CES1: variants seen among roughly 807,000 people sequenced by gnomAD.
CES1 encodes the protein liver carboxylesterase 1.
In CES1, 50 loss-of-function variants were observed where a neutral mutation model predicts 53.0. That is an observed-to-expected ratio of 0.94 (90% CI 0.75 to 1.19). CES1 has a LOEUF of 1.19. Among genes scored for constraint, CES1 ranks in the 50% most tolerant of loss-of-function variants. The pLI is 0.00. For synonymous variants in CES1, 202 were observed against 210.1 expected, an observed-to-expected ratio of 0.96 and a Z score of 0.33; for missense variants, 534 against 538.0, an observed-to-expected ratio of 0.99 and a Z score of 0.07.
At chr16:55,831,347 G>T (rs28549314) in intron 1 of CES1, among the ~76,000 whole-genome samples, 46,061 of 144,994 alleles carry the variant, frequency 0.32, 5,648 homozygotes, top group South Asian at 0.38. Context: ...GGCTGGTCAT[G>T]CTCAGCTCAG....
chr16:55,822,679 C>T (rs2032247430), intron 4 of CES1, among the ~76,000 whole-genome samples: 1 of 151,922 alleles, frequency 6.6e-6, no homozygotes, highest in Admixed American at 6.6e-5. Context: ...CCTGGGATCA[C>T]TGGGAATTAG....
rs1233397172 is a variant in CES1, at chr16:55,810,935, G to C, written c.1162C>G (p.Pro388Ala). ...GATTCCTAGACTCTTACAACAAGGG[G>C]ATAGGACTTCCACAGGAGTGACATG... ...TAMSLLWKSYPLVCIAKELIP... is the reference protein window; with the variant it reads ...TAMSLLWKSYALVCIAKELIP... Residue 388 changes from proline (P) to alanine (A), a missense_variant, in exon 10 of 14, where the codon CCC becomes GCC. Coordinates refer to ENST00000360526, the MANE Select transcript of CES1 (RefSeq NM_001025195.2). 6.8e-6 allele frequency: 11 copies of C among 1,613,256 alleles called. No homozygotes were observed. Among genetic ancestry groups the C allele is most frequent in the Non-Finnish European group, 9.3e-6 (11 of 1,179,468 alleles).
At chr16:55,810,776 G>A (rs1431270232) in intron 10 of CES1, 112 bp from the exon 11 acceptor site, 65 of 1,461,824 alleles carry the variant, frequency 4.4e-5, no homozygotes, top group East Asian at 4.3e-4. Context: ...GCAACTCCCC[G>A]CTAGGGTGGA....
At chr16:55,815,685 A>T (rs1427523335) in intron 8 of CES1, among the ~76,000 whole-genome samples, 1 of 151,856 alleles carries the variant, frequency 6.6e-6, no homozygotes, top group Non-Finnish European at 1.5e-5. Context: ...CCCCACTGCC[A>T]CAGCCCTGTC....
chr16:55,824,983 T>A (rs1245351739), intron 3 of CES1, among the ~76,000 whole-genome samples: 1 of 152,024 alleles, frequency 6.6e-6, no homozygotes, highest in African/African-American at 2.4e-5. Flanking sequence ...AGGGATTGAG[T>A]GTGCATTCAT....
chr16:55,821,659 A>C lies in CES1; in HGVS notation c.540-138T>G. The C allele has an allele frequency of 2.2e-6, 2 of 904,028 alleles. 1 individual carries two copies. Among genetic ancestry groups the C allele is most frequent in the South Asian group, 2.9e-5 (2 of 68,622 alleles). 56.0% of individuals were successfully genotyped at this position (904,028 alleles called of 1,614,324 possible). A position where few individuals can be genotyped will look rare whatever the true frequency, so the allele number is the denominator to read the frequency against. ...TCAGCATCTCTGAGACCCTGCTTTC[A>C]TTAGTACAGCATTGTGGTGATGTAT... On this transcript the variant is annotated intron_variant, in intron 4 of 13. Transcript: ENST00000360526.
chr16:55,815,884 T>A (rs182691222), intron 8 of CES1, among the ~76,000 whole-genome samples: 54 of 152,390 alleles, frequency 3.5e-4, no homozygotes, highest in African/African-American at 1.3e-3. Flanking sequence ...TGAATCCAAA[T>A]CCAAGTACTT....
intron 3 of CES1, among the ~76,000 whole-genome samples, chr16:55,825,432 C>T (rs576545240): frequency 2.0e-5 from 3 of 152,350 alleles, no homozygotes; most frequent in African/African-American, 7.2e-5. Flanking sequence ...TGCCCCATGT[C>T]CTGCCCTTCA....
chr16:55,820,748 A>C (rs370512106), intron 5 of CES1, among the ~76,000 whole-genome samples: 2 of 151,900 alleles, frequency 1.3e-5, no homozygotes, highest in East Asian at 3.9e-4. Context: ...GGTTGTGTCT[A>C]TGACCCACAA....
chr16:55,811,470 T>C (rs1444845965), intron 9 of CES1, among the ~76,000 whole-genome samples: 1 of 152,146 alleles, frequency 6.6e-6, no homozygotes. Context: ...GTCTTTGGTA[T>C]AACCTCTGAA....
chr16:55,827,554 A>G (rs1456233749), intron 2 of CES1, among the ~76,000 whole-genome samples: 1 of 152,116 alleles, frequency 6.6e-6, no homozygotes, highest in African/African-American at 2.4e-5. Flanking sequence ...TTTGACTCAG[A>G]AATGTCATTT....
At chr16:55,821,228 G>A (rs1184244684) in intron 5 of CES1, 140 bp downstream of exon 5, 5 of 1,136,822 alleles carry the variant, frequency 4.4e-6, no homozygotes, top group Non-Finnish European at 6.5e-6. Context: ...TCTACCCCCT[G>A]ATGCTGGGCT....
At chr16:55,832,124 G>C (rs1163698804) in intron 1 of CES1, among the ~76,000 whole-genome samples, 1 of 152,078 alleles carries the variant, frequency 6.6e-6, no homozygotes, top group Non-Finnish European at 1.5e-5. Context: ...ATTAGGAACA[G>C]CCCCTGTGCC....
Position 55,826,222 on chromosome 16 carries a change from T to C in CES1, c.334A>G (p.Lys112Glu). 1 of 1,613,996 alleles carries C rather than the reference T, an allele frequency of 6.2e-7. No homozygotes were observed. The highest frequency in any genetic ancestry group is 8.5e-7 in the Non-Finnish European group (1 of 1,179,856). ...FTNRKENIPLKLSEDCLYLNI... is the reference protein window; with the variant it reads ...FTNRKENIPLELSEDCLYLNI... ...AGGTAAAGACAGTCTTCAGAAAGCT[T>C]GAGAGGAATGTTCTCCTTTCGGTTT... Residue 112 changes from lysine to glutamate, a missense_variant, in exon 3 of 14, where the codon AAG (lysine) becomes GAG (glutamate). This residue lies in a region of CES1 where 164 missense variants were observed against 162.4 expected (regional missense o/e 1.01). Coordinates refer to ENST00000360526, the MANE Select transcript of CES1 (RefSeq NM_001025195.2).
intron 11 of CES1, among the ~76,000 whole-genome samples, chr16:55,808,859 A>G (rs184865498): frequency 4.4e-4 from 67 of 152,310 alleles, no homozygotes; most frequent in African/African-American, 1.6e-3. Context: ...AAAATATAAA[A>G]TTGATTTTTA....
At chr16:55,813,190 G>A (rs1330789283) in intron 8 of CES1, 147 bp from the exon 9 acceptor site, 12 of 1,114,488 alleles carry the variant, frequency 1.1e-5, no homozygotes, top group African/African-American at 1.6e-5. Flanking sequence ...AACTTAGGGG[G>A]GTAGGTCTCC....
intron 8 of CES1, among the ~76,000 whole-genome samples, chr16:55,815,520 G>A (rs28431211): frequency 0.66 from 100,416 of 151,318 alleles, 34,526 homozygotes; most frequent in Non-Finnish European, 0.77. Flanking sequence ...CTTAGAGTTT[G>A]CAAGTGGCTG....
intron 2 of CES1, among the ~76,000 whole-genome samples, chr16:55,827,282 A>G (rs1366010589): frequency 6.7e-6 from 1 of 149,128 alleles, no homozygotes; most frequent in Non-Finnish European, 1.5e-5. Flanking sequence ...AATAACAATA[A>G]TAATAATAAT....
In CES1 at chr16:55,826,219, G is replaced by C; in HGVS notation, c.337C>G (p.Leu113Val). 6.2e-7 allele frequency: 1 copy of C among 1,613,978 alleles called. No homozygotes were observed. The highest frequency in any genetic ancestry group is 1.7e-4 in the Middle Eastern group (1 of 6,054). Residue 113 changes from leucine (L) to valine (V), a missense_variant, in exon 3 of 14, where the codon CTT becomes GTT. Leu to Val is a conservative substitution (Grantham distance 32, BLOSUM62 1). Around this residue, in one of 5 missense-constraint regions of CES1, gnomAD observed 164 missense variants for 162.4 expected, o/e 1.01. Coordinates refer to ENST00000360526, the MANE Select transcript of CES1 (RefSeq NM_001025195.2). ...TNRKENIPLK[L>V]SEDCLYLNIY... ...TTGAGGTAAAGACAGTCTTCAGAAA[G>C]CTTGAGAGGAATGTTCTCCTTTCGG...
Sources: gnomAD v4.1 joint callset for allele counts (sites outside exome capture counted in the v4.1 genomes callset) on GRCh38, gnomAD v4.1.1 for gene constraint, gnomAD v4.1.1 regional missense constraint, MANE v1.5 for transcripts, NCBI Gene and HGNC (gene_info 2026-07-23, HGNC 2026-07-21) for gene names.